CSMD2: variants seen among roughly 807,000 people sequenced by gnomAD.
The protein encoded by CSMD2 is CUB and Sushi multiple domains 2, also known as CUB and sushi domain-containing protein 2.
A neutral mutation model predicts 398.5 loss-of-function variants in CSMD2; 130 were observed. That is an observed-to-expected ratio of 0.33 (90% CI 0.28 to 0.38). CSMD2 has a LOEUF of 0.38. Among genes scored for constraint, CSMD2 ranks in the 10% least tolerant of loss-of-function variants. The probability of loss-of-function intolerance (pLI) is 1.00; values close to 1 mark genes in which losing one functional copy is unlikely to be tolerated. For synonymous variants in CSMD2, 1,828 were observed against 1,908.5 expected (o/e 0.96, Z 1.10); for missense variants, 3,829 against 4,764.9 (o/e 0.80, Z 5.78).
intron 42 of CSMD2, among the ~76,000 whole-genome samples, chr1:33,604,801 C>A (rs774240500): frequency 8.7e-6 from 1 of 114,736 alleles, no homozygotes; most frequent in African/African-American, 2.9e-5. Context: ...TCAGGTCTCT[C>A]CAGCCCTGTG....
At chr1:34,134,037 A>G (rs977358241) in intron 1 of CSMD2, among the ~76,000 whole-genome samples, 2 of 129,474 alleles carry the variant, frequency 1.5e-5, no homozygotes, top group Admixed American at 8.5e-5. Flanking sequence ...TGGGTGACAG[A>G]GTGAGACTCT....
At chr1:34,028,644 G>A in intron 3 of CSMD2, among the ~76,000 whole-genome samples, 1 of 152,220 alleles carries the variant, frequency 6.6e-6, no homozygotes, top group African/African-American at 2.4e-5. Flanking sequence ...GCCCTAAGCT[G>A]CACACAAAAC....
chr1:33,661,616 T>C (rs1644136321), intron 26 of CSMD2, among the ~76,000 whole-genome samples: 1 of 152,188 alleles, frequency 6.6e-6, no homozygotes, highest in Non-Finnish European at 1.5e-5. Context: ...TCCATGGAAC[T>C]CTTAGGAATA....
chr1:34,031,090 T>A (rs1025746019), intron 3 of CSMD2, among the ~76,000 whole-genome samples: 3 of 138,008 alleles, frequency 2.2e-5, no homozygotes, highest in African/African-American at 7.8e-5. Flanking sequence ...TGGTAGGAAC[T>A]TTTTTTTTTT....
At chr1:33,522,383 C>A (rs1158719245) in intron 67 of CSMD2, among the ~76,000 whole-genome samples, 1 of 152,232 alleles carries the variant, frequency 6.6e-6, no homozygotes, top group African/African-American at 2.4e-5. Flanking sequence ...CATGTCCCAA[C>A]TTTGACCCTC....
In CSMD2 at chr1:33,611,086, T is replaced by C; in HGVS notation, c.6298A>G (p.Ser2100Gly). ...CCTGGCCGATTCTGGGAGTGGTCGC[T>C]GTGGAAATACACGGTGGTCTCGTGG... ...TSHETTVYFHSDHSQNRPGFK... is the reference protein window; with the variant it reads ...TSHETTVYFHGDHSQNRPGFK... The change falls in exon 41 of 71, where the codon AGC becomes GGC. Residue 2100 changes from serine to glycine, a missense_variant. This residue lies in a region of CSMD2 where 2,001 missense variants were observed against 2,567.1 expected (regional missense o/e 0.78). Transcript: ENST00000373381. 6.2e-7 allele frequency: 1 copy of C among 1,613,886 alleles called. No individual in the cohort carries two copies. The highest frequency in any genetic ancestry group is 8.5e-7 in the Non-Finnish European group (1 of 1,179,974).
At chr1:34,064,590 A>G (rs199964924) in intron 2 of CSMD2, among the ~76,000 whole-genome samples, 1 of 152,188 alleles carries the variant, frequency 6.6e-6, no homozygotes, top group East Asian at 1.9e-4. Flanking sequence ...AAGCCGTTCA[A>G]CAAACCTCTA....
chr1:34,092,623 T>C (rs577328556), intron 1 of CSMD2, among the ~76,000 whole-genome samples: 1 of 152,262 alleles, frequency 6.6e-6, no homozygotes, highest in South Asian at 2.1e-4. Context: ...GGAGTTCCCT[T>C]TCCTAATCAA....
chr1:34,005,265 C>T (rs1427976447), intron 3 of CSMD2, among the ~76,000 whole-genome samples: 1 of 152,184 alleles, frequency 6.6e-6, no homozygotes, highest in Non-Finnish European at 1.5e-5. Flanking sequence ...AATGACGGGT[C>T]ATGTGCTCAT....
intron 1 of CSMD2, among the ~76,000 whole-genome samples, chr1:34,128,256 G>A (rs1404348247): frequency 2.0e-5 from 3 of 152,234 alleles, no homozygotes; most frequent in Admixed American, 6.5e-5. Context: ...GGAAGCTTCT[G>A]AGGCTCCTCC....
chr1:33,819,551 A>G (rs1657861635), intron 9 of CSMD2, among the ~76,000 whole-genome samples, 162 bp downstream of exon 9: 1 of 152,206 alleles, frequency 6.6e-6, no homozygotes, highest in Non-Finnish European at 1.5e-5. Flanking sequence ...ATACTGAGAA[A>G]GGGCTGGATA....
intron 5 of CSMD2, among the ~76,000 whole-genome samples, chr1:33,853,064 A>G (rs1204910350): frequency 1.3e-5 from 2 of 152,258 alleles, no homozygotes; most frequent in Non-Finnish European, 2.9e-5. Context: ...AATCATAAAA[A>G]AGGACACAGA....
chr1:33,959,223 C>A (rs1016398361), intron 3 of CSMD2, among the ~76,000 whole-genome samples: 4 of 152,084 alleles, frequency 2.6e-5, no homozygotes, highest in Admixed American at 2.6e-4. Context: ...ACAGAGAAGG[C>A]GTGTGGTGAC....
Position 33,575,898 on chromosome 1 carries a change from T to G in CSMD2, c.7576+1398A>C, listed in dbSNP as rs1660026489. 3.3e-5 allele frequency among the ~76,000 whole-genome samples: 5 copies of G among 152,308 alleles called. No homozygotes were observed. In the South Asian group the frequency reaches 1.0e-3, roughly 32 times the overall value. On this transcript the variant is annotated intron_variant, in intron 49 of 70. Transcript: ENST00000373381. The stretch of plus-strand genomic sequence containing the variant: ...GATGAGAGATGTCATTAAAAAGTAC[T>G]TCACCACTACTGGGAACCAAAGGAA...
chr1:34,152,916 T>C (rs964822075), intron 1 of CSMD2, among the ~76,000 whole-genome samples: 10 of 152,174 alleles, frequency 6.6e-5, no homozygotes, highest in African/African-American at 2.4e-4. Context: ...GCAACCACCA[T>C]TCTATTTTCT....
intron 50 of CSMD2, 91 bp downstream of exon 50, chr1:33,572,415 T>G: frequency 8.7e-7 from 1 of 1,147,590 alleles, no homozygotes; most frequent in African/African-American, 1.6e-5. Flanking sequence ...TTCCCCCTCA[T>G]TACTTTGCTT....
intron 2 of CSMD2, among the ~76,000 whole-genome samples, chr1:34,075,719 C>T (rs1478438593): frequency 6.6e-6 from 1 of 152,206 alleles, no homozygotes; most frequent in East Asian, 1.9e-4. Flanking sequence ...TATGTTTGCT[C>T]GTGTCCCATT....
At chr1:33,732,308 G>A (rs1646745804) in intron 15 of CSMD2, among the ~76,000 whole-genome samples, 1 of 152,222 alleles carries the variant, frequency 6.6e-6, no homozygotes, top group African/African-American at 2.4e-5. Context: ...GATACTGGGT[G>A]TTATGGATGG....
chr1:34,107,096 C>T (rs1660597104), intron 1 of CSMD2, among the ~76,000 whole-genome samples: 1 of 152,088 alleles, frequency 6.6e-6, no homozygotes, highest in South Asian at 2.1e-4. Context: ...ATCTCTGGGG[C>T]CAGGGGCCTC....
Sources: allele counts gnomAD v4.1 joint callset (sites outside exome capture counted in the v4.1 genomes callset), GRCh38; gene constraint gnomAD v4.1.1; regional missense constraint gnomAD v4.1.1; transcripts MANE v1.5; gene names NCBI Gene and HGNC (gene_info 2026-07-23, HGNC 2026-07-21).